Variants in SMPDL3B observed in about 807,000 individuals in gnomAD.
The protein encoded by SMPDL3B is sphingomyelin phosphodiesterase acid like 3B, also known as acid sphingomyelinase-like phosphodiesterase 3b.
SMPDL3B carries 31 observed loss-of-function variants against 37.9 expected under a neutral mutation model. The observed-to-expected ratio is 0.82, with a 90% CI of 0.61 to 1.10. SMPDL3B has a LOEUF of 1.10. Among genes scored for constraint, SMPDL3B ranks in the 50% least tolerant of loss-of-function variants. The pLI is 0.00. For synonymous variants in SMPDL3B, 235 were observed against 242.6 expected, an observed-to-expected ratio of 0.97 and a Z score of 0.29; for missense variants, 525 against 597.8, an observed-to-expected ratio of 0.88 and a Z score of 1.27.
chr1:27,935,189 G>A lies in SMPDL3B; in HGVS notation c.6G>A (p.Arg2=). 1 of 1,613,882 alleles carries A rather than the reference G, an allele frequency of 6.2e-7. No individual in the cohort carries two copies. The highest frequency in any genetic ancestry group is 8.5e-7 in the Non-Finnish European group (1 of 1,179,726). ...TGGGGAAGTGAGCCCCGAGGATGAG[G>A]CTGCTCGCCTGGCTGATTTTCCTGG... M[R]LLAWLIFLAN... The change falls in exon 1 of 8, where the codon AGG becomes AGA. Residue 2 remains arginine, a synonymous_variant. Coordinates refer to ENST00000373894, the MANE Select transcript of SMPDL3B (RefSeq NM_014474.4).
chr1:27,935,256 G>C lies in SMPDL3B; in HGVS notation c.61+12G>C. On this transcript the variant is annotated intron_variant, in intron 1 of 7. Coordinates refer to ENST00000373894, the MANE Select transcript of SMPDL3B (RefSeq NM_014474.4). ...CAGGGCTGAACCAGGTACAGCACTGGGAATGTCTGCTATGCCTTTGTTTTG... is the reference window on the plus strand; with the variant it reads ...CAGGGCTGAACCAGGTACAGCACTGCGAATGTCTGCTATGCCTTTGTTTTG... The C allele has an allele frequency of 6.2e-7, 1 of 1,605,268 alleles. No homozygotes were observed. Among genetic ancestry groups the C allele is most frequent in the Non-Finnish European group, 8.5e-7 (1 of 1,172,062 alleles).
At chr1:27,954,226 C>T (rs2090478546) in intron 4 of SMPDL3B, 128 bp from the exon 5 acceptor site, 3 of 917,898 alleles carry the variant, frequency 3.3e-6, no homozygotes, top group Non-Finnish European at 5.0e-6. Flanking sequence ...AGATTGATGT[C>T]CCACCCATGG....
intron 3 of SMPDL3B, 82 bp from the exon 4 acceptor site, chr1:27,953,133 A>T: frequency 2.8e-6 from 3 of 1,060,812 alleles, no homozygotes; most frequent in Non-Finnish European, 4.3e-6. Flanking sequence ...TTGAGCTCTG[A>T]TGGCCAGTGG....
chr1:27,956,356 C>T (rs540607804), intron 7 of SMPDL3B: 19 of 1,332,706 alleles, frequency 1.4e-5, no homozygotes, highest in African/African-American at 3.0e-5. Flanking sequence ...ATGGCCCATC[C>T]GCTACACAAG....
At chr1:27,956,138 C>T (rs1323212669) in intron 7 of SMPDL3B, 56 bp downstream of exon 7, 1 of 1,613,914 alleles carries the variant, frequency 6.2e-7, no homozygotes. Context: ...AAATGCATCA[C>T]CACCTTCCCT....
At chr1:27,956,479 T>TA in intron 7 of SMPDL3B, 1 of 1,168,958 alleles carries the variant, frequency 8.6e-7, no homozygotes, top group Non-Finnish European at 1.1e-6. Context: ...CTTGACCTAG[T>TA]ACTCAAGGCT....
At chr1:27,941,208 G>A (rs986513264) in intron 1 of SMPDL3B, among the ~76,000 whole-genome samples, 3 of 152,202 alleles carry the variant, frequency 2.0e-5, no homozygotes, top group East Asian at 1.9e-4. Flanking sequence ...TCTGGGCGGC[G>A]GGGGGTTCCA....
chr1:27,946,264 A>G (rs1355637368), intron 2 of SMPDL3B, among the ~76,000 whole-genome samples: 1 of 151,872 alleles, frequency 6.6e-6, no homozygotes, highest in Non-Finnish European at 1.5e-5. Flanking sequence ...GAGGCAGGAG[A>G]ATCGCTTGCA....
chr1:27,955,211 T>A (rs541846617), intron 5 of SMPDL3B, among the ~76,000 whole-genome samples: 3 of 152,180 alleles, frequency 2.0e-5, no homozygotes, highest in Non-Finnish European at 2.9e-5. Context: ...CCAAAACTCA[T>A]ACATTTAACT....
chr1:27,947,767 G>C (rs1050013645), intron 2 of SMPDL3B, among the ~76,000 whole-genome samples: 1 of 151,184 alleles, frequency 6.6e-6, no homozygotes, highest in South Asian at 2.1e-4. Context: ...ATTTTTAGTA[G>C]AGACAGGGTT....
At chr1:27,938,896 T>A (rs1249866143) in intron 1 of SMPDL3B, 1 of 152,246 alleles carries the variant, frequency 6.6e-6, no homozygotes, top group Non-Finnish European at 1.5e-5. Context: ...GTGTGTTGAA[T>A]GCATTTTTGA....
intron 1 of SMPDL3B, among the ~76,000 whole-genome samples, chr1:27,940,405 C>G (rs112406063): frequency 1.7e-3 from 256 of 151,822 alleles, no homozygotes; most frequent in African/African-American, 5.8e-3. Context: ...TAGAACCCCC[C>G]AGGAACCAAA....
chr1:27,941,568 G>A (rs1206450170), intron 1 of SMPDL3B: 1 of 152,366 alleles, frequency 6.6e-6, no homozygotes, highest in East Asian at 1.9e-4. Flanking sequence ...CAATAAGCAA[G>A]CCAACAAGGT....
chr1:27,942,534 A>G (rs1157914353), intron 1 of SMPDL3B, among the ~76,000 whole-genome samples: 1 of 152,214 alleles, frequency 6.6e-6, no homozygotes, highest in Non-Finnish European at 1.5e-5. Context: ...GCAGGAGTGC[A>G]GTGGTGCAAT....
intron 3 of SMPDL3B, among the ~76,000 whole-genome samples, chr1:27,952,487 T>A (rs960154218): frequency 6.6e-6 from 1 of 152,186 alleles, no homozygotes; most frequent in Non-Finnish European, 1.5e-5. Context: ...ACCGATTAGG[T>A]GCCAGACACT....
At chr1:27,950,036 A>C (rs2090443100) in intron 3 of SMPDL3B, among the ~76,000 whole-genome samples, 1 of 152,154 alleles carries the variant, frequency 6.6e-6, no homozygotes, top group Non-Finnish European at 1.5e-5. Flanking sequence ...CTGTGACCTC[A>C]ATTTTACTGA....
At chr1:27,948,893 C>T (rs1571656913) in intron 2 of SMPDL3B, 172 bp from the exon 3 acceptor site, 2 of 1,284,004 alleles carry the variant, frequency 1.6e-6, no homozygotes, top group East Asian at 2.5e-5. Context: ...ATGGCAAAGC[C>T]TAGTTCTCAG....
intron 4 of SMPDL3B, 37 bp downstream of exon 4, chr1:27,953,395 T>C (rs2090471356): frequency 1.3e-6 from 2 of 1,564,586 alleles, no homozygotes; most frequent in African/African-American, 1.4e-5. Context: ...GAGCACTTAC[T>C]GTATGCCAGG....
Position 27,935,207 on chromosome 1 carries a change from T to C in SMPDL3B, c.24T>C (p.Ile8=). Residue 8 remains isoleucine (I), a synonymous_variant, in exon 1 of 8, where the codon ATT becomes ATC. Transcript: ENST00000373894. ...GGATGAGGCTGCTCGCCTGGCTGAT[T>C]TTCCTGGCTAACTGGGGAGGTGCCA... MRLLAWL[I]FLANWGGARA... The C allele has an allele frequency of 6.2e-7, 1 of 1,614,014 alleles. No individual in the cohort carries two copies. Among genetic ancestry groups the C allele is most frequent in the Non-Finnish European group, 8.5e-7 (1 of 1,179,892 alleles).
Sources: gnomAD v4.1 joint callset for allele counts (sites outside exome capture counted in the v4.1 genomes callset) on GRCh38, gnomAD v4.1.1 for gene constraint, MANE v1.5 for transcripts, NCBI Gene and HGNC (gene_info 2026-07-23, HGNC 2026-07-21) for gene names.